The following LGR5 variants were observed in gnomAD, a reference collection of about 807,000 sequenced individuals.
LGR5 encodes leucine-rich repeat-containing G protein-coupled receptor 5.
In LGR5, 54 loss-of-function variants were observed where a neutral mutation model predicts 76.7. That is an observed-to-expected ratio of 0.70 (90% CI 0.57 to 0.88). LGR5 has a LOEUF of 0.88. LGR5 is among the 40% of genes least tolerant of loss of function. The probability of loss-of-function intolerance (pLI) is 0.00; values close to 1 mark genes in which losing one functional copy is unlikely to be tolerated. For missense variants in LGR5, 1,078 were observed against 1,073.3 expected (o/e 1.00, Z -0.06); for synonymous variants, 406 against 421.9 (o/e 0.96, Z 0.46).
At position 71,567,363 on chromosome 12, in the gene LGR5, T is replaced by C. The variant is rs181781417; in HGVS notation, c.1070+451T>C. On this transcript the variant is annotated intron_variant, in intron 11 of 17. Transcript: ENST00000266674. ...TAGTTGTCAATGCCATGTTCTAATG[T>C]TTCCTGTAATGGTTAAACAGCTTGC... 5.5e-3 allele frequency: 917 copies of C among 166,216 alleles called. 8 individuals are homozygous for C. The highest frequency in any genetic ancestry group is 5.9e-3 in the Non-Finnish European group (444 of 75,624). The allele number at this position is 166,216 out of a possible 1,614,324, so 10.3% of individuals were successfully genotyped here.
intron 8 of LGR5, among the ~76,000 whole-genome samples, chr12:71,565,844 A>AT (rs1878315615): frequency 1.3e-5 from 2 of 152,022 alleles, no homozygotes; most frequent in Non-Finnish European, 1.5e-5. Flanking sequence ...AAAACAAAAT[A>AT]TTTTTTAATC....
chr12:71,568,606 T>C (rs1878460006), intron 11 of LGR5, among the ~76,000 whole-genome samples: 1 of 152,230 alleles, frequency 6.6e-6, no homozygotes, highest in South Asian at 2.1e-4. Flanking sequence ...TCATTTGTTC[T>C]TCCCAATGAC....
Position 71,440,073 on chromosome 12 carries a change from C to T in LGR5, c.-8C>T, listed in dbSNP as rs760093215. ...GCGTCCGGCTCGTGGCCCCCTACTTCGGGCACCATGGACACCTCCCGGCTC... is the reference window on the plus strand; with the variant it reads ...GCGTCCGGCTCGTGGCCCCCTACTTTGGGCACCATGGACACCTCCCGGCTC... On this transcript the variant is annotated 5_prime_UTR_variant, in exon 1 of 18. Transcript: ENST00000266674. The surrounding 1 kb of genome is among the most constrained non-coding windows in gnomAD (Gnocchi z 5.3). The T allele has an allele frequency of 1.2e-5, 19 of 1,600,454 alleles. No individual in the cohort carries two copies. The Admixed American group carries it at 2.8e-4, about 24-fold the overall frequency.
chr12:71,501,607 C>T (rs1174040996), intron 1 of LGR5, among the ~76,000 whole-genome samples: 1 of 152,194 alleles, frequency 6.6e-6, no homozygotes, highest in African/African-American at 2.4e-5. Context: ...CCCCAGGCCA[C>T]AGCTGTTTTT....
rs531585570 is a variant in LGR5 at position 71,456,868 on chromosome 12, A to T, written c.212+16576A>T. ...GCAAGCCAAAGCTTTAGAAGCTGAC[A>T]TTTCCACTTTGAAAGGTAAAGATAT... On this transcript the variant is annotated intron_variant, in intron 1 of 17. Transcript: ENST00000266674. 1.3e-3 allele frequency among the ~76,000 whole-genome samples: 196 copies of T among 152,110 alleles called. 1 individual carries two copies. Among genetic ancestry groups the T allele is most frequent in the African/African-American group, 4.4e-3 (184 of 41,500 alleles).
At chr12:71,487,664 T>C (rs187955261) in intron 1 of LGR5, among the ~76,000 whole-genome samples, 279 of 152,332 alleles carry the variant, frequency 1.8e-3, no homozygotes, top group African/African-American at 6.4e-3. Context: ...CCTCCCACCT[T>C]AGCCTCCGAG....
intron 3 of LGR5, among the ~76,000 whole-genome samples, chr12:71,527,654 C>T (rs1054681905): frequency 2.0e-5 from 3 of 152,190 alleles, no homozygotes; most frequent in African/African-American, 7.2e-5. Flanking sequence ...TATTTTTCTG[C>T]TAATTTAATT....
At chr12:71,564,728 T>C (rs1159817153) in intron 8 of LGR5, among the ~76,000 whole-genome samples, 16 of 141,046 alleles carry the variant, frequency 1.1e-4, no homozygotes, top group Non-Finnish European at 2.4e-4. Context: ...TATATACATA[T>C]ATGTACACAC....
intron 1 of LGR5, among the ~76,000 whole-genome samples, chr12:71,483,607 C>T (rs1251974368): frequency 6.6e-6 from 1 of 152,208 alleles, no homozygotes; most frequent in Non-Finnish European, 1.5e-5. Flanking sequence ...GGGCTGGCCT[C>T]ACAAGCCTTG....
chr12:71,571,520 G>C lies in LGR5; in HGVS notation c.1077G>C (p.Leu359=). The C allele has an allele frequency of 6.2e-7, 1 of 1,611,474 alleles. No homozygotes were observed. The highest frequency in any genetic ancestry group is 8.5e-7 in the Non-Finnish European group (1 of 1,178,190). Residue 359 remains leucine, a synonymous_variant, in exon 12 of 18, where the codon CTG becomes CTC. Coordinates refer to ENST00000266674, the MANE Select transcript of LGR5 (RefSeq NM_003667.4). ...TGCACCTTCTGTTTTTCAGAGATCT[G>C]TCTTACAACCTATTAGAAGATTTAC... ...NQLPNLQVLD[L]SYNLLEDLPS... is the part of the protein sequence containing the mutation.
At chr12:71,569,367 C>T (rs1269291456) in intron 11 of LGR5, among the ~76,000 whole-genome samples, 1 of 152,184 alleles carries the variant, frequency 6.6e-6, no homozygotes, top group Non-Finnish European at 1.5e-5. Context: ...TCAGAGCGAA[C>T]AGACAACCTA....
rs1315983886 is a variant in LGR5 at position 71,580,367 on chromosome 12, A to T, written c.1496A>T (p.Asp499Val). 1 of 1,614,112 alleles carries T rather than the reference A, an allele frequency of 6.2e-7. No individual in the cohort carries two copies. ...ATTTCTAATCAATGGAATAAAGGTGACAACAGCAGTATGGACGACCTTCAT... is the reference window on the plus strand; with the variant it reads ...ATTTCTAATCAATGGAATAAAGGTGTCAACAGCAGTATGGACGACCTTCAT... ...YKISNQWNKG[D>V]NSSMDDLHKK... Residue 499 changes from aspartate (D) to valine (V), a missense_variant, in exon 16 of 18, where the codon GAC becomes GTC. By Grantham distance (152) the Asp-to-Val change is radical (BLOSUM62 -3). Transcript: ENST00000266674.
At chr12:71,506,736 C>T (rs1874877082) in intron 2 of LGR5, among the ~76,000 whole-genome samples, 1 of 152,116 alleles carries the variant, frequency 6.6e-6, no homozygotes, top group Non-Finnish European at 1.5e-5. Context: ...GACTGCTTTT[C>T]CATATATAAT....
intron 13 of LGR5, among the ~76,000 whole-genome samples, chr12:71,577,438 A>G (rs1446271247): frequency 1.3e-5 from 2 of 152,194 alleles, no homozygotes; most frequent in Non-Finnish European, 2.9e-5. Context: ...ACTTGTCAGT[A>G]TCCTTCCTGG....
intron 4 of LGR5, among the ~76,000 whole-genome samples, chr12:71,543,483 T>C (rs1592529281): frequency 6.6e-6 from 1 of 151,910 alleles, no homozygotes; most frequent in South Asian, 2.1e-4. Context: ...GGCCCAGAAG[T>C]ACTGTGGGAA....
At chr12:71,468,486 G>A (rs1872950691) in intron 1 of LGR5, among the ~76,000 whole-genome samples, 1 of 152,046 alleles carries the variant, frequency 6.6e-6, no homozygotes, top group South Asian at 2.1e-4. Flanking sequence ...TTTTAATCAA[G>A]GCATTATCTA....
intron 13 of LGR5, among the ~76,000 whole-genome samples, chr12:71,574,133 C>G (rs1878742838): frequency 6.6e-6 from 1 of 151,444 alleles, no homozygotes; most frequent in African/African-American, 2.4e-5. Flanking sequence ...GAAACCCCAT[C>G]TCTACTAAAA....
intron 6 of LGR5, among the ~76,000 whole-genome samples, chr12:71,557,684 G>A (rs1421246912): frequency 1.3e-5 from 2 of 152,190 alleles, no homozygotes; most frequent in Admixed American, 6.5e-5. Context: ...TTTCCCAGGG[G>A]AGGAGCTGCT....
chr12:71,453,653 G>A (rs904717352), intron 1 of LGR5, among the ~76,000 whole-genome samples: 2 of 151,460 alleles, frequency 1.3e-5, no homozygotes, highest in Non-Finnish European at 2.9e-5. Flanking sequence ...TTCCTTCAGA[G>A]CCAAAAATAC....
Sources: gnomAD v4.1 joint callset for allele counts (sites outside exome capture counted in the v4.1 genomes callset) on GRCh38, gnomAD v4.1.1 for gene constraint, Gnocchi (gnomAD v3.1) non-coding constraint, MANE v1.5 for transcripts, NCBI Gene and HGNC (gene_info 2026-07-23, HGNC 2026-07-21) for gene names.